The following DNAH14 variants were observed in gnomAD, a reference collection of about 807,000 sequenced individuals.
DNAH14 encodes dynein axonemal heavy chain 14.
DNAH14 carries 478 observed loss-of-function variants against 520.9 expected under a neutral mutation model. The observed-to-expected ratio is 0.92, with a 90% confidence interval of 0.85 to 0.99. The LOEUF (loss-of-function observed/expected upper bound fraction) is 0.99, where lower values mean the gene tolerates loss of function less well. DNAH14 is among the 50% of genes least tolerant of loss of function. The probability of loss-of-function intolerance (pLI) is 0.00; values close to 1 mark genes in which losing one functional copy is unlikely to be tolerated. For synonymous variants in DNAH14, 1,581 were observed against 1,757.2 expected (o/e 0.90, Z 2.51); for missense variants, 4,831 against 5,234.5 (o/e 0.92, Z 2.38).
At chr1:225,257,075 A>G (rs1466347262) in intron 44 of DNAH14, among the ~76,000 whole-genome samples, 1 of 152,180 alleles carries the variant, frequency 6.6e-6, no homozygotes, top group Non-Finnish European at 1.5e-5. Flanking sequence ...TTATTTATGT[A>G]TGTTTAAATT....
At chr1:225,224,207 C>T (rs926754999) in intron 41 of DNAH14, among the ~76,000 whole-genome samples, 1 of 151,800 alleles carries the variant, frequency 6.6e-6, no homozygotes, top group Non-Finnish European at 1.5e-5. Context: ...GGCAATACAG[C>T]CCTAGACTCT....
At chr1:225,334,052 G>A (rs936008882) in intron 66 of DNAH14, among the ~76,000 whole-genome samples, 3 of 151,982 alleles carry the variant, frequency 2.0e-5, no homozygotes, top group East Asian at 1.9e-4. Flanking sequence ...AACAAATACT[G>A]TCTTCACATT....
intron 38 of DNAH14, among the ~76,000 whole-genome samples, chr1:225,197,189 C>T (rs2086255791): frequency 6.6e-6 from 1 of 151,922 alleles, no homozygotes; most frequent in South Asian, 2.1e-4. Flanking sequence ...AGATTTAAGC[C>T]CTTGATTCAT....
intron 41 of DNAH14, among the ~76,000 whole-genome samples, chr1:225,227,861 C>T (rs1408573353): frequency 1.3e-5 from 2 of 152,150 alleles, no homozygotes; most frequent in Non-Finnish European, 2.9e-5. Flanking sequence ...ATTTGCACTA[C>T]CCATCCATAT....
At position 225,160,100 on chromosome 1, in the gene DNAH14, T is replaced by C. The variant is rs1445687141; in HGVS notation, c.5445+615T>C. ...GCTTAATGTTGTCTGCAGTACAAAA[T>C]TGAAATTAAGTATTTTAACATATAA... On this transcript the variant is annotated intron_variant, in intron 35 of 85. Coordinates refer to ENST00000682510, the MANE Select transcript of DNAH14 (RefSeq NM_001367479.1). 2.0e-5 allele frequency among the ~76,000 whole-genome samples: 3 copies of C among 152,252 alleles called. No homozygotes were observed. In the East Asian group the frequency reaches 5.8e-4, roughly 29 times the overall value.
intron 78 of DNAH14, among the ~76,000 whole-genome samples, chr1:225,375,972 C>T (rs1268236628): frequency 1.3e-5 from 2 of 151,352 alleles, no homozygotes; most frequent in African/African-American, 4.9e-5. Context: ...CTTGTAGTCC[C>T]AGCTACTCAA....
rs2094845899 is a variant in DNAH14, at chr1:225,333,511, T to C, written c.10080+5T>C. On this transcript the variant is annotated splice_donor_5th_base_variant and intron_variant, in intron 66 of 85. Coordinates refer to ENST00000682510, the MANE Select transcript of DNAH14 (RefSeq NM_001367479.1). ...GTTATGGCACAAAAATATGAGGTAA[T>C]AACATATTTCTATTATCCAGTTAAG... The C allele has an allele frequency of 1.9e-6, 3 of 1,540,028 alleles. No homozygotes were observed. The highest frequency in any genetic ancestry group is 2.6e-6 in the Non-Finnish European group (3 of 1,137,302).
At chr1:225,280,766 A>G (rs1033712318) in intron 54 of DNAH14, among the ~76,000 whole-genome samples, 2 of 152,196 alleles carry the variant, frequency 1.3e-5, no homozygotes, top group Non-Finnish European at 2.9e-5. Context: ...CTTCTTATGT[A>G]CTAGGAATTC....
In DNAH14 at chr1:225,152,872, C is replaced by A. The variant is rs1209180688; in HGVS notation, c.5185C>A (p.Leu1729Ile). ...TNLYELARKQ[L>I]SQQDHYNFGL... ...CCTTTATGAATTAGCGCGCAAACAG[C>A]TCTCACAACAGGTAAATAGCTACTT... The change falls in exon 33 of 86, where the codon CTC (leucine) becomes ATC (isoleucine). Residue 1729 changes from leucine (L) to isoleucine (I), a missense_variant. Transcript: ENST00000682510. 6.5e-7 allele frequency: 1 copy of A among 1,549,374 alleles called. No individual in the cohort carries two copies. Among genetic ancestry groups the A allele is most frequent in the Admixed American group, 2.0e-5 (1 of 50,646 alleles).
intron 58 of DNAH14, among the ~76,000 whole-genome samples, chr1:225,306,664 C>T (rs926780196): frequency 6.6e-6 from 1 of 152,118 alleles, no homozygotes; most frequent in Non-Finnish European, 1.5e-5. Context: ...ATGTCTTACC[C>T]ACAACACAGC....
intron 55 of DNAH14, among the ~76,000 whole-genome samples, chr1:225,296,785 C>T (rs902160859): frequency 6.6e-6 from 1 of 152,130 alleles, no homozygotes; most frequent in African/African-American, 2.4e-5. Context: ...CAGTTTCCTT[C>T]AGTTCTTTGA....
At chr1:225,221,800 TA>T (rs1007011072) in intron 41 of DNAH14, among the ~76,000 whole-genome samples, 1 of 152,112 alleles carries the variant, frequency 6.6e-6, no homozygotes, top group African/African-American at 2.4e-5. Flanking sequence ...GGCATAGGTA[TA>T]AAGGAATGTA....
At chr1:225,106,241 C>T (rs1438134586) in intron 23 of DNAH14, among the ~76,000 whole-genome samples, 6 of 151,690 alleles carry the variant, frequency 4.0e-5, no homozygotes, top group South Asian at 4.1e-4. Context: ...GAGTTTCTGC[C>T]GAGAGACCAG....
chr1:224,974,184 T>C, intron 8 of DNAH14, 31 bp downstream of exon 8: 1 of 1,397,106 alleles, frequency 7.2e-7, no homozygotes, highest in Non-Finnish European at 9.5e-7. Context: ...TATAAAAATT[T>C]CAAAAGGAAG....
At chr1:225,353,331 T>A (rs1390758730) in intron 72 of DNAH14, among the ~76,000 whole-genome samples, 2 of 152,180 alleles carry the variant, frequency 1.3e-5, no homozygotes, top group African/African-American at 4.8e-5. Context: ...ATATAATATT[T>A]AATTTTTCAA....
chr1:225,154,701 TA>T (rs2080856168), intron 34 of DNAH14, among the ~76,000 whole-genome samples: 1 of 152,044 alleles, frequency 6.6e-6, no homozygotes, highest in Non-Finnish European at 1.5e-5. Flanking sequence ...TCTAAAAGGA[TA>T]AAATAATTTA....
chr1:225,023,978 G>T, intron 11 of DNAH14, 113 bp downstream of exon 11: 1 of 1,436,862 alleles, frequency 7.0e-7, no homozygotes, highest in Non-Finnish European at 9.1e-7. Context: ...TTCTCCTTGT[G>T]GCAGAGTACA....
chr1:225,226,892 G>A (rs1271069956), intron 41 of DNAH14, among the ~76,000 whole-genome samples: 1 of 152,128 alleles, frequency 6.6e-6, no homozygotes, highest in Non-Finnish European at 1.5e-5. Context: ...TCATAAATAA[G>A]TTTAAGGAAA....
At chr1:225,160,954 C>A (rs540786709) in intron 35 of DNAH14, among the ~76,000 whole-genome samples, 1 of 151,936 alleles carries the variant, frequency 6.6e-6, no homozygotes, top group Non-Finnish European at 1.5e-5. Context: ...AAGTCTAATT[C>A]ATTTGTTTTC....
Sources: gnomAD v4.1 joint callset for allele counts (sites outside exome capture counted in the v4.1 genomes callset) on GRCh38, gnomAD v4.1.1 for gene constraint, MANE v1.5 for transcripts, NCBI Gene and HGNC (gene_info 2026-07-23, HGNC 2026-07-21) for gene names.